Variants in AP1M1 observed in about 807,000 individuals in gnomAD.
The protein encoded by AP1M1 is AP-1 complex subunit mu-1.
AP1M1 carries 18 observed loss-of-function variants against 57.1 expected under a neutral mutation model. The observed-to-expected ratio is 0.32, with a 90% CI of 0.22 to 0.47. The LOEUF is 0.47. Ranked by LOEUF, AP1M1 falls within the 20% of genes least tolerant of loss-of-function variation. AP1M1 has a pLI of 1.00. For missense variants in AP1M1, 362 were observed against 593.5 expected (o/e 0.61, Z 4.05); for synonymous variants, 241 against 237.9 (o/e 1.01, Z -0.12).
Position 16,197,975 on chromosome 19 carries a change from T to TTGCTGCCGCCGCCACCGCCCTCGGC in AP1M1, c.-52_-51insTGCTGCCGCCGCCACCGCCCTCGGC. On this transcript the variant is annotated 5_prime_UTR_variant, in exon 1 of 12. Transcript: ENST00000291439. ...GCTCAACGCCCAGCAGTCCCCACCG[T>TTGCTGCCGCCGCCACCGCCCTCGGC]CGCTGCCGCCGCCACCGCCCTCGGC... 2.8e-6 allele frequency: 4 copies of TTGCTGCCGCCGCCACCGCCCTCGGC among 1,451,816 alleles called. No individual in the cohort carries two copies. Among genetic ancestry groups the TTGCTGCCGCCGCCACCGCCCTCGGC allele is most frequent in the African/African-American group, 1.5e-5 (1 of 64,672 alleles). The allele number at this position is 1,451,816 out of a possible 1,614,324, so 89.9% of individuals were successfully genotyped here.
In AP1M1 at chr19:16,227,509, G is replaced by C; in HGVS notation, c.674-39G>C. 1 of 1,596,634 alleles carries C rather than the reference G, an allele frequency of 6.3e-7. No homozygotes were observed. The highest frequency in any genetic ancestry group is 8.6e-7 in the Non-Finnish European group (1 of 1,165,958). ...GGAGTACTGCTGAGATAGTGACCCG[G>C]AGGGCCCAGATCTGTCCTACCCTCA... On this transcript the variant is annotated intron_variant, in intron 6 of 11. Coordinates refer to ENST00000291439, the MANE Select transcript of AP1M1 (RefSeq NM_032493.4). The surrounding 1 kb of genome is among the most constrained non-coding windows in gnomAD (Gnocchi z 6.2).
chr19:16,207,437 G>A lies in AP1M1; in HGVS notation c.268-582G>A, dbSNP rs575664714. ...CCGGGTGATCACAGTCCTGAAGCGC[G>A]CAGGGGTCAGCAGATCAGAGAATGG... On this transcript the variant is annotated intron_variant, in intron 3 of 11. Coordinates refer to ENST00000291439, the MANE Select transcript of AP1M1 (RefSeq NM_032493.4). This position sits in a 1 kb window ranked among gnomAD's most constrained non-coding sequence, Gnocchi z 4.2. 1.1e-4 allele frequency among the ~76,000 whole-genome samples: 17 copies of A among 152,202 alleles called. No homozygotes were observed. The East Asian group carries it at 2.9e-3, about 26-fold the overall frequency.
Position 16,203,371 on chromosome 19 carries a change from C to T in AP1M1, c.43-88C>T. ...CATGACCGGAGTCCCCAGAGCGAAG[C>T]AGGGTGGTGCATCTCACCCCCTGCC... On this transcript the variant is annotated intron_variant, in intron 1 of 11. Transcript: ENST00000291439. This position sits in a 1 kb window ranked among gnomAD's most constrained non-coding sequence, Gnocchi z 4.6. 7.1e-7 allele frequency: 1 copy of T among 1,408,390 alleles called. No homozygotes were observed. Among genetic ancestry groups the T allele is most frequent in the Non-Finnish European group, 1.0e-6 (1 of 1,001,440 alleles). 87.2% of individuals were successfully genotyped at this position (1,408,390 alleles called of 1,614,324 possible).
At position 16,239,239 on chromosome 19, in the gene AP1M1, CTTTTTTTTTTTTTTTTTTTTTTTTTTTTT is replaced by C. The variant is rs71178661; in HGVS notation, c.*4816_*4844del. 2.5e-5 allele frequency: 1 copy of C among 39,232 alleles called. No individual in the cohort carries two copies. Among genetic ancestry groups the C allele is most frequent in the Non-Finnish European group, 5.0e-5 (1 of 19,954 alleles). The allele number at this position is 39,232 out of a possible 1,614,324, so 2.4% of individuals were successfully genotyped here. A position where few individuals can be genotyped will look rare whatever the true frequency, so the allele number is the denominator to read the frequency against. On this transcript the variant is annotated 3_prime_UTR_variant, in exon 12 of 12. Transcript: ENST00000291439. ...TGAGCCACCGCGCCCGGCCAGTTCT[CTTTTTTTTTTTTTTTTTTTTTTTTTTTTT>C]TTTTTTTTTTTAAGACTGCAAAGCT... is the stretch of plus-strand genomic sequence containing the variant.
At chr19:16,201,200 C>T (rs1288372765) in intron 1 of AP1M1, among the ~76,000 whole-genome samples, 1 of 152,024 alleles carries the variant, frequency 6.6e-6, no homozygotes, top group Non-Finnish European at 1.5e-5. Flanking sequence ...CTACTATGGT[C>T]CAGGCCCCTT....
chr19:16,226,391 C>T (rs775804469), intron 5 of AP1M1, 30 bp from the exon 6 acceptor site: 9 of 1,511,606 alleles, frequency 6.0e-6, no homozygotes, highest in Non-Finnish European at 7.1e-6. Flanking sequence ...AGTTGGGGAC[C>T]TCCCCTCACG....
intron 9 of AP1M1, among the ~76,000 whole-genome samples, chr19:16,232,498 C>T (rs762763511): frequency 1.2e-4 from 19 of 152,242 alleles, no homozygotes; most frequent in Non-Finnish European, 2.5e-4. Context: ...ACAGGCTAGT[C>T]ACCGAGCGGG....
intron 9 of AP1M1, among the ~76,000 whole-genome samples, chr19:16,231,552 C>T (rs1161665236): frequency 6.6e-6 from 1 of 152,052 alleles, no homozygotes; most frequent in Non-Finnish European, 1.5e-5. Context: ...GCCTCAGCCT[C>T]CCAAGTAGCT....
chr19:16,228,356 A>G lies in AP1M1; in HGVS notation c.888+148A>G. 1.2e-6 allele frequency: 1 copy of G among 841,894 alleles called. No homozygotes were observed. The highest frequency in any genetic ancestry group is 1.9e-6 in the Non-Finnish European group (1 of 526,338). The allele number at this position is 841,894 out of a possible 1,614,324, so 52.2% of individuals were successfully genotyped here. A position where few individuals can be genotyped will look rare whatever the true frequency, so the allele number is the denominator to read the frequency against. ...GCAGGAGTGACCTGACACTGAGGGG[A>G]CACCGCCTGGGGCCTGCTCCTAGAT... On this transcript the variant is annotated intron_variant, in intron 8 of 11. Coordinates refer to ENST00000291439, the MANE Select transcript of AP1M1 (RefSeq NM_032493.4). This position sits in a 1 kb window ranked among gnomAD's most constrained non-coding sequence, Gnocchi z 5.0.
rs1295465064 is a variant in AP1M1 at position 16,244,872 on chromosome 19, A to G, written c.*10437A>G. Reference sequence around the variant, plus strand: ...AATAAATAAATAAATAACATGGATAAAATTTGTTGTTTGTTGTTGTTGTTG... The same window carrying G: ...AATAAATAAATAAATAACATGGATAGAATTTGTTGTTTGTTGTTGTTGTTG... On this transcript the variant is annotated 3_prime_UTR_variant, in exon 12 of 12. Coordinates refer to ENST00000291439, the MANE Select transcript of AP1M1 (RefSeq NM_032493.4). 5 of 91,348 alleles carry G rather than the reference A, an allele frequency of 5.5e-5. No individual in the cohort carries two copies. The East Asian group carries it at 1.6e-3, about 30-fold the overall frequency. The allele number at this position is 91,348 out of a possible 1,614,324, so 5.7% of individuals were successfully genotyped here.
At chr19:16,211,838 C>T (rs2091495531) in intron 5 of AP1M1, among the ~76,000 whole-genome samples, 1 of 152,102 alleles carries the variant, frequency 6.6e-6, no homozygotes, top group South Asian at 2.1e-4. Flanking sequence ...AAAGCCTTTT[C>T]TGCACCTATT....
In AP1M1 at chr19:16,201,250, G is replaced by A. The variant is rs529513239; in HGVS notation, c.43-2209G>A. 5.3e-5 allele frequency among the ~76,000 whole-genome samples: 8 copies of A among 152,220 alleles called. No homozygotes were observed. In the East Asian group the frequency reaches 7.7e-4, roughly 15 times the overall value. On this transcript the variant is annotated intron_variant, in intron 1 of 11. Coordinates refer to ENST00000291439, the MANE Select transcript of AP1M1 (RefSeq NM_032493.4). ...AACAGCTGTGAATGAGACAGGAGTA[G>A]TTGCTGTTCTCAGGGGATGTCAGAC... is the stretch of plus-strand genomic sequence containing the variant.
Position 16,227,768 on chromosome 19 carries a change from G to A in AP1M1, c.816+78G>A. ...CCTCCAGGAGGTGAAGCCCAGGCAG[G>A]CGCCAGGGCCAGCCCCACCCCACGC... On this transcript the variant is annotated intron_variant, in intron 7 of 11. Coordinates refer to ENST00000291439, the MANE Select transcript of AP1M1 (RefSeq NM_032493.4). This position sits in a 1 kb window ranked among gnomAD's most constrained non-coding sequence, Gnocchi z 6.2. The A allele has an allele frequency of 6.5e-7, 1 of 1,535,554 alleles. No individual in the cohort carries two copies. The highest frequency in any genetic ancestry group is 8.9e-7 in the Non-Finnish European group (1 of 1,126,898).
Position 16,203,376 on chromosome 19 carries a change from TG to T in AP1M1, c.43-81del. 1 of 1,418,568 alleles carries T rather than the reference TG, an allele frequency of 7.0e-7. No homozygotes were observed. The highest frequency in any genetic ancestry group is 9.9e-7 in the Non-Finnish European group (1 of 1,009,282). 87.9% of individuals were successfully genotyped at this position (1,418,568 alleles called of 1,614,324 possible). On this transcript the variant is annotated intron_variant, in intron 1 of 11. Coordinates refer to ENST00000291439, the MANE Select transcript of AP1M1 (RefSeq NM_032493.4). The surrounding 1 kb of genome is among the most constrained non-coding windows in gnomAD (Gnocchi z 4.6). ...CCGGAGTCCCCAGAGCGAAGCAGGG[TG>T]GTGCATCTCACCCCCTGCCCCAAGC...
chr19:16,220,606 G>A (rs182581316), intron 5 of AP1M1, among the ~76,000 whole-genome samples: 276 of 152,212 alleles, frequency 1.8e-3, no homozygotes, highest in African/African-American at 6.4e-3. Context: ...GGCTGGGCTG[G>A]TCACAAATTC....
rs2091576123 is a variant in AP1M1 at position 16,227,453 on chromosome 19, C to G, written c.674-95C>G. ...TGCTCTCAGTGCGTGGACTGGGGGC[C>G]CTGCTCTGCCGGGGTGGGTTGCAGG... On this transcript the variant is annotated intron_variant, in intron 6 of 11. Transcript: ENST00000291439. The surrounding 1 kb of genome is among the most constrained non-coding windows in gnomAD (Gnocchi z 6.2). 9.7e-6 allele frequency: 14 copies of G among 1,446,988 alleles called. No homozygotes were observed. The highest frequency in any genetic ancestry group is 1.4e-5 in the African/African-American group (1 of 71,480). 89.6% of individuals were successfully genotyped at this position (1,446,988 alleles called of 1,614,324 possible).
At chr19:16,208,918 C>T (rs2091481235) in intron 4 of AP1M1, 112 bp from the exon 5 acceptor site, 15 of 1,310,516 alleles carry the variant, frequency 1.1e-5, no homozygotes, top group Admixed American at 2.3e-5. Context: ...ATTTTCAAGT[C>T]GGTCAGAACC....
intron 2 of AP1M1, among the ~76,000 whole-genome samples, chr19:16,204,447 C>G (rs1324874941): frequency 6.6e-6 from 1 of 152,196 alleles, no homozygotes; most frequent in East Asian, 1.9e-4. Flanking sequence ...ATGGGGGATC[C>G]CTCACCTTCC....
Position 16,203,103 on chromosome 19 carries a change from T to G in AP1M1, c.43-356T>G, listed in dbSNP as rs944724669. The G allele has an allele frequency of 3.9e-6, 1 of 256,538 alleles. No individual in the cohort carries two copies. The highest frequency in any genetic ancestry group is 7.7e-6 in the Non-Finnish European group (1 of 130,598). 15.9% of individuals were successfully genotyped at this position (256,538 alleles called of 1,614,324 possible). On this transcript the variant is annotated intron_variant, in intron 1 of 11. Coordinates refer to ENST00000291439, the MANE Select transcript of AP1M1 (RefSeq NM_032493.4). The surrounding 1 kb of genome is among the most constrained non-coding windows in gnomAD (Gnocchi z 4.6). The stretch of plus-strand genomic sequence containing the variant: ...CCCTGACACAGGCGGGAGAGCAAGG[T>G]GCGTTGGCCCGGCAAAGGCTCTGAG...
Sources: allele counts gnomAD v4.1 joint callset (sites outside exome capture counted in the v4.1 genomes callset), GRCh38; gene constraint gnomAD v4.1.1; non-coding constraint Gnocchi (gnomAD v3.1); transcripts MANE v1.5; gene names NCBI Gene and HGNC (gene_info 2026-07-23, HGNC 2026-07-21).